The following TMEM41B variants were observed in gnomAD, a reference collection of about 807,000 sequenced individuals.
TMEM41B encodes protein stasimon.
TMEM41B carries 18 observed loss-of-function variants against 31.9 expected under a neutral mutation model. That is an observed-to-expected ratio of 0.56 (90% CI 0.39 to 0.84). The LOEUF (loss-of-function observed/expected upper bound fraction) is 0.84, where lower values mean the gene tolerates loss of function less well. TMEM41B is among the 40% of genes least tolerant of loss of function. The pLI, the probability that TMEM41B is intolerant of heterozygous loss-of-function variation, is 0.00. For synonymous variants in TMEM41B, 144 were observed against 124.3 expected, an observed-to-expected ratio of 1.16 and a Z score of -1.05; for missense variants, 322 against 348.0, an observed-to-expected ratio of 0.93 and a Z score of 0.59.
rs1239797085 is a variant in TMEM41B, at chr11:9,281,873, ATAT to A, written c.*1548_*1550del. The A allele has an allele frequency of 2.6e-5, 4 of 152,190 alleles. No homozygotes were observed. Among genetic ancestry groups the A allele is most frequent in the Middle Eastern group, 3.2e-3 (1 of 316 alleles). 9.4% of individuals were successfully genotyped at this position (152,190 alleles called of 1,614,324 possible). ...CATGCATAAAAAGAATAATTACATA[ATAT>A]TATTAAATATATTCCTTAATGACCA... On this transcript the variant is annotated 3_prime_UTR_variant, in exon 7 of 7. Transcript: ENST00000528080.
chr11:9,287,000 C>CA (rs1426976782), intron 5 of TMEM41B, among the ~76,000 whole-genome samples: 1 of 145,288 alleles, frequency 6.9e-6, no homozygotes, highest in Non-Finnish European at 1.5e-5. Context: ...AACTCTGACT[C>CA]AAAAAAGAAA....
chr11:9,289,817 C>T (rs1189202945), intron 3 of TMEM41B, among the ~76,000 whole-genome samples: 1 of 152,160 alleles, frequency 6.6e-6, no homozygotes, highest in Non-Finnish European at 1.5e-5. Context: ...ACTTTTTCTT[C>T]TACATTACAG....
intron 1 of TMEM41B, among the ~76,000 whole-genome samples, chr11:9,304,996 T>C (rs186042607): frequency 1.7e-4 from 26 of 152,020 alleles, no homozygotes; most frequent in East Asian, 5.8e-4. Context: ...CTCACTATTT[T>C]GCCCAGGCTG....
At chr11:9,291,331 G>A (rs1260320155) in intron 3 of TMEM41B, among the ~76,000 whole-genome samples, 1 of 151,936 alleles carries the variant, frequency 6.6e-6, no homozygotes, top group African/African-American at 2.4e-5. Context: ...GCAGTGGGCC[G>A]AGATCGCGTC....
chr11:9,299,695 G>A lies in TMEM41B; in HGVS notation c.128C>T (p.Ser43Phe), dbSNP rs546124559. Residue 43 changes from serine to phenylalanine, a missense_variant, in exon 2 of 7, where the codon TCC becomes TTC. Transcript: ENST00000528080. Reference sequence around the variant, plus strand: ...TCTTGCTGATCCAGCTTCTACCCAGGATTTTTCTGGAAGAAAAAAGAAAGT... The same window carrying A: ...TCTTGCTGATCCAGCTTCTACCCAGAATTTTTCTGGAAGAAAAAAGAAAGT... Reference protein sequence around the residue: ...PGSRDHQKEKSWVEAGSARMS... With the variant: ...PGSRDHQKEKFWVEAGSARMS... 2 of 1,597,596 alleles carry A rather than the reference G, an allele frequency of 1.3e-6. No individual in the cohort carries two copies. Among genetic ancestry groups the A allele is most frequent in the East Asian group, 2.2e-5 (1 of 44,796 alleles).
At chr11:9,296,173 T>C (rs1205545941) in intron 2 of TMEM41B, among the ~76,000 whole-genome samples, 1 of 152,138 alleles carries the variant, frequency 6.6e-6, no homozygotes, top group Non-Finnish European at 1.5e-5. Context: ...TATTTTTTAA[T>C]GCTTTAATAT....
At chr11:9,292,435 T>C (rs1286614218) in intron 3 of TMEM41B, among the ~76,000 whole-genome samples, 2 of 152,170 alleles carry the variant, frequency 1.3e-5, no homozygotes, top group South Asian at 2.1e-4. Flanking sequence ...GTATAAAATA[T>C]ATACTATGCA....
Position 9,298,988 on chromosome 11 carries a change from A to T in TMEM41B, c.239+596T>A, listed in dbSNP as rs185122102. ...CTCTGGGATATTTTGCCCTTCTAAAATATATTTCCAGGCTGGGCACAGTGG... is the reference window on the plus strand; with the variant it reads ...CTCTGGGATATTTTGCCCTTCTAAATTATATTTCCAGGCTGGGCACAGTGG... On this transcript the variant is annotated intron_variant, in intron 2 of 6. Transcript: ENST00000528080. Among the ~76,000 whole-genome samples the T allele has an allele frequency of 8.8e-4, 133 of 151,868 alleles. 1 individual carries two copies. Among genetic ancestry groups the T allele is most frequent in the Non-Finnish European group, 1.2e-3 (84 of 67,934 alleles).
chr11:9,286,512 T>C lies in TMEM41B; in HGVS notation c.649A>G (p.Ile217Val), dbSNP rs1452782008. 3 of 1,613,462 alleles carry C rather than the reference T, an allele frequency of 1.9e-6. No individual in the cohort carries two copies. The highest frequency in any genetic ancestry group is 3.3e-5 in the Admixed American group (2 of 59,852). Residue 217 changes from isoleucine to valine, a missense_variant, in exon 6 of 7, where the codon ATC becomes GTC. Coordinates refer to ENST00000528080, the MANE Select transcript of TMEM41B (RefSeq NM_015012.4). ...GGCACGTTTATCACAGGAGATGTGA[T>C]ATTAATAAACCAATTAGGCAGAAAT... ...TPFLPNWFIN[I>V]TSPVINVPLK...
At chr11:9,312,188 G>A (rs779271356) in intron 1 of TMEM41B, among the ~76,000 whole-genome samples, 1 of 152,048 alleles carries the variant, frequency 6.6e-6, no homozygotes, top group Admixed American at 6.6e-5. Flanking sequence ...CTTTCTCCTA[G>A]CCTGGAATAC....
chr11:9,295,231 G>C, intron 3 of TMEM41B, 28 bp downstream of exon 3: 2 of 1,486,058 alleles, frequency 1.3e-6, no homozygotes, highest in Non-Finnish European at 1.8e-6. Context: ...AACAAAATTA[G>C]AAAACATTTT....
intron 1 of TMEM41B, among the ~76,000 whole-genome samples, chr11:9,306,270 C>T (rs538256106): frequency 2.6e-5 from 4 of 151,996 alleles, no homozygotes; most frequent in Admixed American, 1.3e-4. Flanking sequence ...GGAGCCACCA[C>T]GCCCAGCCAG....
At chr11:9,301,016 G>C (rs1157886548) in intron 1 of TMEM41B, among the ~76,000 whole-genome samples, 1 of 152,128 alleles carries the variant, frequency 6.6e-6, no homozygotes. Context: ...GCACTCACTG[G>C]GGAAGAGGTA....
chr11:9,288,776 G>C (rs1852892381), intron 3 of TMEM41B, among the ~76,000 whole-genome samples: 1 of 152,036 alleles, frequency 6.6e-6, no homozygotes, highest in East Asian at 1.9e-4. Flanking sequence ...CGGGCACTTT[G>C]GGGGAGGAAC....
In TMEM41B at chr11:9,314,487, A is replaced by C. The variant is rs1449467319; in HGVS notation, c.-46T>G. The C allele has an allele frequency of 6.6e-7, 1 of 1,519,660 alleles. No individual in the cohort carries two copies. Among genetic ancestry groups the C allele is most frequent in the East Asian group, 2.5e-5 (1 of 39,656 alleles). The allele number at this position is 1,519,660 out of a possible 1,614,324, so 94.1% of individuals were successfully genotyped here. A position where few individuals can be genotyped will look rare whatever the true frequency, so the allele number is the denominator to read the frequency against. On this transcript the variant is annotated 5_prime_UTR_variant, in exon 1 of 7. Coordinates refer to ENST00000528080, the MANE Select transcript of TMEM41B (RefSeq NM_015012.4). ...AGCGGTGCGGTGCCGCGCCCCCTAA[A>C]CAACAAAACTCTGTTGCAGGCTCCT... is the stretch of plus-strand genomic sequence containing the variant.
chr11:9,307,621 T>A (rs1400471137), intron 1 of TMEM41B, among the ~76,000 whole-genome samples: 1 of 151,140 alleles, frequency 6.6e-6, no homozygotes, highest in Non-Finnish European at 1.5e-5. Flanking sequence ...TTTGTATTTT[T>A]AGTAAAGATG....
intron 3 of TMEM41B, among the ~76,000 whole-genome samples, chr11:9,291,496 G>C (rs960244130): frequency 6.6e-6 from 1 of 151,860 alleles, no homozygotes; most frequent in Non-Finnish European, 1.5e-5. Context: ...CTGCCTCCCA[G>C]GTTCAAGCGA....
At chr11:9,286,695 G>T in intron 5 of TMEM41B, 102 bp from the exon 6 acceptor site, 1 of 1,207,388 alleles carries the variant, frequency 8.3e-7, no homozygotes, top group Non-Finnish European at 1.2e-6. Context: ...TGATACTTCA[G>T]AGTATACCCA....
intron 2 of TMEM41B, among the ~76,000 whole-genome samples, chr11:9,298,063 CAAAA>C (rs34802416): frequency 1.3e-4 from 11 of 83,930 alleles, no homozygotes; most frequent in Admixed American, 2.8e-4. Context: ...GACCCTGCCT[CAAAA>C]AAAAAAAAAA....
Sources: allele counts gnomAD v4.1 joint callset (sites outside exome capture counted in the v4.1 genomes callset), GRCh38; gene constraint gnomAD v4.1.1; transcripts MANE v1.5; gene names NCBI Gene and HGNC (gene_info 2026-07-23, HGNC 2026-07-21).